Variants in OSBPL1A observed in about 807,000 individuals in gnomAD.
OSBPL1A encodes oxysterol-binding protein-related protein 1.
A neutral mutation model predicts 137.1 loss-of-function variants in OSBPL1A; 80 were observed. The ratio of observed to expected loss-of-function variants is 0.58; its 90% CI spans 0.49 to 0.70. The LOEUF (loss-of-function observed/expected upper bound fraction) is 0.70. Among genes scored for constraint, OSBPL1A ranks in the 30% least tolerant of loss-of-function variants. OSBPL1A has a pLI of 0.00. For missense variants in OSBPL1A, 970 were observed against 1,129.4 expected (o/e 0.86, Z 2.02); for synonymous variants, 365 against 389.7 (o/e 0.94, Z 0.75).
intron 14 of OSBPL1A, among the ~76,000 whole-genome samples, chr18:24,291,836 T>A (rs1441641519): frequency 6.6e-6 from 1 of 151,204 alleles, no homozygotes; most frequent in Non-Finnish European, 1.5e-5. Flanking sequence ...GTGGATCACC[T>A]GAGGTCAGGA....
At chr18:24,198,808 C>G (rs533168517) in intron 17 of OSBPL1A, among the ~76,000 whole-genome samples, 1 of 152,054 alleles carries the variant, frequency 6.6e-6, no homozygotes, top group East Asian at 1.9e-4. Context: ...CCGAGGGCAA[C>G]CTGAGCTGGG....
chr18:24,273,792 G>A (rs1338055935), intron 15 of OSBPL1A, among the ~76,000 whole-genome samples: 2 of 152,156 alleles, frequency 1.3e-5, no homozygotes, highest in Non-Finnish European at 2.9e-5. Flanking sequence ...ACCTCACCTA[G>A]TTTTGAAGGG....
intron 15 of OSBPL1A, among the ~76,000 whole-genome samples, chr18:24,268,530 T>C (rs1329817428): frequency 1.3e-5 from 2 of 151,564 alleles, no homozygotes; most frequent in Non-Finnish European, 2.9e-5. Flanking sequence ...ACCCCATTTT[T>C]TTTTGTTTTT....
intron 24 of OSBPL1A, among the ~76,000 whole-genome samples, chr18:24,169,812 C>A (rs536849263): frequency 6.6e-6 from 1 of 152,258 alleles, no homozygotes; most frequent in Admixed American, 6.5e-5. Context: ...TATGTGCCTC[C>A]CCTACTGGGA....
intron 15 of OSBPL1A, among the ~76,000 whole-genome samples, chr18:24,257,879 C>T (rs1401317281): frequency 6.6e-6 from 1 of 152,140 alleles, no homozygotes; most frequent in East Asian, 1.9e-4. Flanking sequence ...TGAAAAGGCG[C>T]TCAACATCAC....
rs755284656 is a variant in OSBPL1A, at chr18:24,372,920, C to T, written c.121+4493G>A. Among the ~76,000 whole-genome samples, 6 of 151,978 alleles carry T rather than the reference C, an allele frequency of 3.9e-5. No homozygotes were observed. The South Asian group carries it at 6.2e-4, about 16-fold the overall frequency. ...CTCTACTAAAAATACAAAAATTAGC[C>T]TGGTGTGATGGTGGGCGCCTGTAGT... is the stretch of plus-strand genomic sequence containing the variant. On this transcript the variant is annotated intron_variant, in intron 2 of 27. Transcript: ENST00000319481.
rs1179662512 is a variant in OSBPL1A at position 24,179,789 on chromosome 18, C to T, written c.1859G>A (p.Arg620Gln). The change falls in exon 20 of 28, where the codon CGG (arginine) becomes CAG (glutamine). Residue 620 changes from arginine to glutamine, a missense_variant. Arg to Gln is a conservative substitution (Grantham distance 43). Coordinates refer to ENST00000319481, the MANE Select transcript of OSBPL1A (RefSeq NM_080597.4). ...CAGTGGGTTGAAAGGTTTTCCAGTCCGTTCCCACTGAGAAGCAACAGCAGA... is the reference window on the plus strand; with the variant it reads ...CAGTGGGTTGAAAGGTTTTCCAGTCTGTTCCCACTGAGAAGCAACAGCAGA... ...AVSAVASQWE[R>Q]TGKPFNPLLG... 4.3e-6 allele frequency: 7 copies of T among 1,614,028 alleles called. No homozygotes were observed. The highest frequency in any genetic ancestry group is 1.3e-5 in the African/African-American group (1 of 74,914).
chr18:24,383,532 C>T lies in OSBPL1A; in HGVS notation c.-2-5997G>A, dbSNP rs551296074. Among the ~76,000 whole-genome samples the T allele has an allele frequency of 7.9e-5, 12 of 152,298 alleles. No homozygotes were observed. The East Asian group carries it at 1.5e-3, about 20-fold the overall frequency. On this transcript the variant is annotated intron_variant, in intron 1 of 27. Coordinates refer to ENST00000319481, the MANE Select transcript of OSBPL1A (RefSeq NM_080597.4). ...CAGCACTTTGGGAGGTCAACACAGG[C>T]GGATCACAAGGTCAAAAGATCAACT...
intron 14 of OSBPL1A, among the ~76,000 whole-genome samples, chr18:24,283,777 T>C (rs933328803): frequency 6.6e-6 from 1 of 152,170 alleles, no homozygotes; most frequent in Non-Finnish European, 1.5e-5. Context: ...ATAGTTCTTT[T>C]ATTAATACCA....
At chr18:24,379,354 T>C (rs543736952) in intron 1 of OSBPL1A, among the ~76,000 whole-genome samples, 81 of 152,164 alleles carry the variant, frequency 5.3e-4, no homozygotes, top group Non-Finnish European at 9.6e-4. Context: ...ACCCCAACTC[T>C]ACTAAAAACA....
At chr18:24,391,612 C>G (rs983327452) in intron 1 of OSBPL1A, among the ~76,000 whole-genome samples, 2 of 151,704 alleles carry the variant, frequency 1.3e-5, no homozygotes, top group African/African-American at 4.8e-5. Flanking sequence ...ACCTATAGAT[C>G]CAGCTACTTG....
chr18:24,251,866 C>T (rs1292248555), intron 15 of OSBPL1A, among the ~76,000 whole-genome samples: 1 of 151,918 alleles, frequency 6.6e-6, no homozygotes, highest in Non-Finnish European at 1.5e-5. Flanking sequence ...ATAAATTTAA[C>T]CAAGAGATTG....
At chr18:24,230,589 A>AT (rs2088240225) in intron 16 of OSBPL1A, among the ~76,000 whole-genome samples, 1 of 152,078 alleles carries the variant, frequency 6.6e-6, no homozygotes, top group Non-Finnish European at 1.5e-5. Flanking sequence ...CTAGAGCCAT[A>AT]TTTTTTTAAT....
At chr18:24,392,249 CT>C (rs1907409809) in intron 1 of OSBPL1A, among the ~76,000 whole-genome samples, 1 of 152,178 alleles carries the variant, frequency 6.6e-6, no homozygotes, top group Admixed American at 6.5e-5. Flanking sequence ...CAACCTCCGC[CT>C]CCCGGGTTCA....
chr18:24,276,350 C>G (rs2089845736), intron 15 of OSBPL1A, among the ~76,000 whole-genome samples: 1 of 152,164 alleles, frequency 6.6e-6, no homozygotes. Flanking sequence ...ACCCTAAAAA[C>G]AGCATCTAGG....
At chr18:24,395,642 C>T (rs953718412) in intron 1 of OSBPL1A, among the ~76,000 whole-genome samples, 3 of 150,916 alleles carry the variant, frequency 2.0e-5, no homozygotes, top group African/African-American at 4.9e-5. Context: ...TTTTGTGAGA[C>T]GGAGTTTCGC....
chr18:24,280,783 A>T, intron 15 of OSBPL1A, 59 bp downstream of exon 15: 1 of 1,186,630 alleles, frequency 8.4e-7, no homozygotes. Flanking sequence ...GACTTCATGG[A>T]CAACCACGCA....
rs77392328 is a variant in OSBPL1A, at chr18:24,368,628, G to A, written c.122-256C>T. On this transcript the variant is annotated intron_variant, in intron 2 of 27. Transcript: ENST00000319481. ...GGGAGACAGGACGGGGGTTACATTC[G>A]AGCTAGATGATCTCTAGCAGCTTCT... is the stretch of plus-strand genomic sequence containing the variant. The A allele has an allele frequency of 5.6e-3, 1,822 of 326,532 alleles. 25 individuals carry two copies. The highest frequency in any genetic ancestry group is 0.021 in the African/African-American group (1,023 of 48,376). The allele number at this position is 326,532 out of a possible 1,614,324, so 20.2% of individuals were successfully genotyped here.
chr18:24,179,558 C>A (rs1164690714), intron 20 of OSBPL1A, among the ~76,000 whole-genome samples, 180 bp downstream of exon 20: 1 of 152,062 alleles, frequency 6.6e-6, no homozygotes, highest in Non-Finnish European at 1.5e-5. Flanking sequence ...TATAATGGTA[C>A]CTTTTATATA....
Sources: gnomAD v4.1 joint callset for allele counts (sites outside exome capture counted in the v4.1 genomes callset) on GRCh38, gnomAD v4.1.1 for gene constraint, MANE v1.5 for transcripts, NCBI Gene and HGNC (gene_info 2026-07-23, HGNC 2026-07-21) for gene names.